GRXCR1: variants seen among roughly 807,000 people sequenced by gnomAD.
The protein encoded by GRXCR1 is glutaredoxin domain-containing cysteine-rich protein 1.
In GRXCR1, 27 loss-of-function variants were observed where a neutral mutation model predicts 27.3. The ratio of observed to expected loss-of-function variants is 0.99; its 90% CI spans 0.73 to 1.37. GRXCR1 has a LOEUF of 1.37. Ranked by LOEUF, GRXCR1 falls within the 40% of genes most tolerant of loss-of-function variation. GRXCR1 has a pLI of 0.00. For synonymous variants in GRXCR1, 122 were observed against 131.1 expected, an observed-to-expected ratio of 0.93 and a Z score of 0.47; for missense variants, 379 against 354.4, an observed-to-expected ratio of 1.07 and a Z score of -0.56.
chr4:42,999,208 C>T (rs1712270263), intron 2 of GRXCR1, among the ~76,000 whole-genome samples: 1 of 152,192 alleles, frequency 6.6e-6, no homozygotes, highest in Non-Finnish European at 1.5e-5. Context: ...CTGTGTCCTG[C>T]ACTACAGTCA....
chr4:42,981,516 T>C (rs1748669345), intron 2 of GRXCR1, among the ~76,000 whole-genome samples: 1 of 152,238 alleles, frequency 6.6e-6, no homozygotes, highest in Non-Finnish European at 1.5e-5. Flanking sequence ...ATTTCATGTA[T>C]ACTTTTACCA....
chr4:42,963,543 A>G (rs1748175769), intron 2 of GRXCR1, among the ~76,000 whole-genome samples: 1 of 151,936 alleles, frequency 6.6e-6, no homozygotes, highest in South Asian at 2.1e-4. Context: ...ACCTAAGATG[A>G]TAGTCCTGAA....
chr4:42,993,476 T>C (rs1206257616), intron 2 of GRXCR1, among the ~76,000 whole-genome samples: 1 of 152,166 alleles, frequency 6.6e-6, no homozygotes, highest in Non-Finnish European at 1.5e-5. Flanking sequence ...AAACTCATCA[T>C]AAGTGTAAAA....
At chr4:43,022,229 T>G (rs1192991308) in intron 3 of GRXCR1, among the ~76,000 whole-genome samples, 1 of 152,220 alleles carries the variant, frequency 6.6e-6, no homozygotes, top group Non-Finnish European at 1.5e-5. Flanking sequence ...TGCATCAATA[T>G]CATACTATTT....
intron 1 of GRXCR1, among the ~76,000 whole-genome samples, chr4:42,942,127 G>C (rs988232070): frequency 2.6e-5 from 4 of 151,948 alleles, no homozygotes; most frequent in Non-Finnish European, 5.9e-5. Context: ...AAACTATTCT[G>C]ATAGTAGGCA....
intron 2 of GRXCR1, among the ~76,000 whole-genome samples, chr4:42,970,311 G>A: frequency 6.6e-6 from 1 of 152,142 alleles, no homozygotes; most frequent in East Asian, 1.9e-4. Context: ...CCACTGGGCA[G>A]TGCTACAGTG....
intron 1 of GRXCR1, among the ~76,000 whole-genome samples, chr4:42,903,578 C>T (rs1227309175): frequency 6.8e-6 from 1 of 147,692 alleles, no homozygotes; most frequent in Non-Finnish European, 1.5e-5. Context: ...TCCCAGAGTG[C>T]TGGGATAGAT....
chr4:42,930,345 T>C (rs954037151), intron 1 of GRXCR1, among the ~76,000 whole-genome samples: 4 of 152,034 alleles, frequency 2.6e-5, no homozygotes, highest in Non-Finnish European at 4.4e-5. Flanking sequence ...TTTTTCCCTC[T>C]TTCTTTAGAT....
chr4:42,917,152 A>G (rs879353794), intron 1 of GRXCR1, among the ~76,000 whole-genome samples: 1 of 152,142 alleles, frequency 6.6e-6, no homozygotes, highest in Admixed American at 6.6e-5. Flanking sequence ...TGGTTTCCCA[A>G]TACATTTGGT....
At chr4:42,963,600 T>G (rs1219496356) in intron 2 of GRXCR1, among the ~76,000 whole-genome samples, 1 of 151,970 alleles carries the variant, frequency 6.6e-6, no homozygotes, top group Non-Finnish European at 1.5e-5. Flanking sequence ...TTTATCTGCT[T>G]GTTTAAAATT....
chr4:42,960,276 T>C (rs1031417060), intron 1 of GRXCR1, among the ~76,000 whole-genome samples: 2 of 151,992 alleles, frequency 1.3e-5, no homozygotes, highest in Admixed American at 1.3e-4. Flanking sequence ...AGAAAACTAA[T>C]GCAGTAATAG....
At chr4:42,923,942 C>G (rs1324244702) in intron 1 of GRXCR1, among the ~76,000 whole-genome samples, 3 of 152,014 alleles carry the variant, frequency 2.0e-5, no homozygotes, top group Non-Finnish European at 4.4e-5. Flanking sequence ...TGAATTCACT[C>G]TATTTTATAT....
At chr4:42,984,866 C>T (rs1288082333) in intron 2 of GRXCR1, among the ~76,000 whole-genome samples, 1 of 152,134 alleles carries the variant, frequency 6.6e-6, no homozygotes, top group African/African-American at 2.4e-5. Flanking sequence ...ACTGTGGGAC[C>T]CTGCCTGGTG....
intron 1 of GRXCR1, among the ~76,000 whole-genome samples, chr4:42,944,881 G>C (rs1286689299): frequency 1.3e-5 from 2 of 152,130 alleles, no homozygotes; most frequent in Admixed American, 1.3e-4. Context: ...AATCAATCTA[G>C]CTCACTAAAT....
intron 1 of GRXCR1, among the ~76,000 whole-genome samples, chr4:42,940,659 T>C (rs897134867): frequency 6.6e-6 from 1 of 152,132 alleles, no homozygotes; most frequent in Non-Finnish European, 1.5e-5. Flanking sequence ...AAAACTTTTC[T>C]GATTTTGTTA....
chr4:43,001,508 G>C (rs1166010635), intron 2 of GRXCR1, among the ~76,000 whole-genome samples: 1 of 152,144 alleles, frequency 6.6e-6, no homozygotes, highest in South Asian at 2.1e-4. Context: ...CTAAATTTAT[G>C]TGGTGTTTTC....
At chr4:42,958,334 G>A (rs943786768) in intron 1 of GRXCR1, among the ~76,000 whole-genome samples, 1 of 151,956 alleles carries the variant, frequency 6.6e-6, no homozygotes, top group African/African-American at 2.4e-5. Flanking sequence ...AGATGCAATG[G>A]GAAATGGTGT....
intron 1 of GRXCR1, among the ~76,000 whole-genome samples, chr4:42,939,628 C>T (rs747040090): frequency 6.6e-6 from 1 of 151,974 alleles, no homozygotes; most frequent in Non-Finnish European, 1.5e-5. Context: ...TTTGTCTTGC[C>T]TCCTAACTTT....
At chr4:43,017,942 A>T (rs1333281946) in intron 2 of GRXCR1, among the ~76,000 whole-genome samples, 1 of 152,180 alleles carries the variant, frequency 6.6e-6, no homozygotes, top group Admixed American at 6.5e-5. Context: ...GGGCAGATTG[A>T]GATTTACCCC....
Sources: gnomAD v4.1 joint callset for allele counts (sites outside exome capture counted in the v4.1 genomes callset) on GRCh38, gnomAD v4.1.1 for gene constraint, MANE v1.5 for transcripts, NCBI Gene and HGNC (gene_info 2026-07-23, HGNC 2026-07-21) for gene names.